The following ZFHX3 variants were observed in gnomAD, a reference collection of about 807,000 sequenced individuals.
ZFHX3 encodes zinc finger homeobox protein 3.
A neutral mutation model predicts 279.1 loss-of-function variants in ZFHX3; 42 were observed. The observed-to-expected ratio is 0.15, with a 90% CI of 0.12 to 0.19. The LOEUF (loss-of-function observed/expected upper bound fraction) is 0.19. Ranked by LOEUF, ZFHX3 falls within the 10% of genes least tolerant of loss-of-function variation. ZFHX3 has a pLI of 1.00. For missense variants in ZFHX3, 4,981 were observed against 4,754.0 expected, an observed-to-expected ratio of 1.05 and a Z score of -1.40; for synonymous variants, 2,293 against 1,957.8, an observed-to-expected ratio of 1.17 and a Z score of -4.52.
intron 1 of ZFHX3, among the ~76,000 whole-genome samples, chr16:73,731,275 T>C (rs911734156): frequency 6.6e-6 from 1 of 152,176 alleles, no homozygotes. Context: ...AATATTGTCC[T>C]GTCACATTTC....
At chr16:72,960,773 A>C (rs1034033587) in intron 1 of ZFHX3, among the ~76,000 whole-genome samples, 3 of 152,146 alleles carry the variant, frequency 2.0e-5, no homozygotes, top group Non-Finnish European at 4.4e-5. Context: ...TTCTAGTTTG[A>C]GAAGTTCAAA....
At chr16:73,346,899 T>TGTAATTA (rs1302070451) in intron 3 of ZFHX3, among the ~76,000 whole-genome samples, 3 of 152,214 alleles carry the variant, frequency 2.0e-5, no homozygotes, top group Non-Finnish European at 2.9e-5. Flanking sequence ...TTACCACTGT[T>TGTAATTA]GTAATTATCC....
chr16:73,510,325 T>G (rs2019407276), intron 2 of ZFHX3, among the ~76,000 whole-genome samples: 1 of 152,156 alleles, frequency 6.6e-6, no homozygotes, highest in Non-Finnish European at 1.5e-5. Flanking sequence ...GTCTACAGTG[T>G]TTGCCACTGT....
chr16:73,847,916 T>C (rs903205886), intron 1 of ZFHX3, among the ~76,000 whole-genome samples: 3 of 145,188 alleles, frequency 2.1e-5, no homozygotes, highest in Non-Finnish European at 4.5e-5. Flanking sequence ...TTTTTTTTTT[T>C]TTTTTTTTTT....
chr16:73,489,513 A>G (rs1316225095), intron 2 of ZFHX3, among the ~76,000 whole-genome samples: 1 of 152,210 alleles, frequency 6.6e-6, no homozygotes, highest in Admixed American at 6.5e-5. Flanking sequence ...TCAGCAATTA[A>G]CATCATACAC....
At chr16:72,997,530 C>T (rs1188187425) in intron 1 of ZFHX3, among the ~76,000 whole-genome samples, 3 of 152,188 alleles carry the variant, frequency 2.0e-5, no homozygotes, top group East Asian at 3.9e-4. Flanking sequence ...AGTCAGATCA[C>T]AGCCAGTGGG....
chr16:73,860,680 C>T (rs187620758), intron 1 of ZFHX3, among the ~76,000 whole-genome samples: 1 of 152,208 alleles, frequency 6.6e-6, no homozygotes, highest in African/African-American at 2.4e-5. Flanking sequence ...CTTCCTTCGG[C>T]CTGTTTTATA....
chr16:73,776,444 C>G (rs918567586), intron 1 of ZFHX3, among the ~76,000 whole-genome samples: 7 of 152,078 alleles, frequency 4.6e-5, no homozygotes, highest in Non-Finnish European at 5.9e-5. Flanking sequence ...TTTCAGAAAT[C>G]AAATAATTTA....
chr16:72,882,526 G>A (rs777723016), intron 4 of ZFHX3, among the ~76,000 whole-genome samples: 3 of 152,156 alleles, frequency 2.0e-5, no homozygotes, highest in Non-Finnish European at 4.4e-5. Flanking sequence ...TGCTGAAAAG[G>A]TGCAAGTCCT....
At chr16:72,966,548 C>T (rs916765768) in intron 1 of ZFHX3, among the ~76,000 whole-genome samples, 1 of 152,214 alleles carries the variant, frequency 6.6e-6, no homozygotes, top group African/African-American at 2.4e-5. Context: ...AGCAGGTCCA[C>T]AGCCCATCAC....
chr16:73,062,176 T>C (rs910222803), upstream of ZFHX3: 1 of 152,154 alleles, frequency 6.6e-6, no homozygotes, highest in Non-Finnish European at 1.5e-5. Context: ...TTTTAAGACA[T>C]TTACATTAGG....
intron 3 of ZFHX3, among the ~76,000 whole-genome samples, chr16:73,334,868 G>C (rs4011589): frequency 3.1e-5 from 4 of 128,614 alleles, no homozygotes; most frequent in Non-Finnish European, 6.3e-5. Context: ...TCTGCTTGAC[G>C]TAAGAACTTT....
intron 3 of ZFHX3, among the ~76,000 whole-genome samples, chr16:73,453,667 C>T (rs1484708332): frequency 6.6e-6 from 1 of 152,184 alleles, no homozygotes; most frequent in Non-Finnish European, 1.5e-5. Context: ...TGTTTTCATG[C>T]TGCTGATAAA....
intron 2 of ZFHX3, among the ~76,000 whole-genome samples, chr16:73,465,497 A>G (rs1051016025): frequency 2.6e-5 from 4 of 151,878 alleles, no homozygotes; most frequent in African/African-American, 7.3e-5. Flanking sequence ...TGGAGACTGG[A>G]ACGTCCTCCT....
At chr16:72,923,588 G>A (rs1959262696) in intron 3 of ZFHX3, among the ~76,000 whole-genome samples, 1 of 151,772 alleles carries the variant, frequency 6.6e-6, no homozygotes, top group Admixed American at 6.6e-5. Context: ...CACTGATATA[G>A]TTGATGCGTC....
At chr16:73,323,534 G>A (rs1223870212) in intron 3 of ZFHX3, among the ~76,000 whole-genome samples, 1 of 152,200 alleles carries the variant, frequency 6.6e-6, no homozygotes. Flanking sequence ...GAAGTAATAA[G>A]TATGGACCAC....
chr16:73,285,502 C>A (rs1041751140), intron 4 of ZFHX3, among the ~76,000 whole-genome samples: 17 of 152,246 alleles, frequency 1.1e-4, no homozygotes, highest in African/African-American at 2.9e-4. Context: ...CAGCATGAGG[C>A]TCTGTGGGGT....
chr16:73,777,681 T>C (rs1959304397), intron 1 of ZFHX3, among the ~76,000 whole-genome samples: 1 of 152,108 alleles, frequency 6.6e-6, no homozygotes, highest in African/African-American at 2.4e-5. Flanking sequence ...AATGAGTACT[T>C]ACTCTGTGCC....
intron 5 of ZFHX3, among the ~76,000 whole-genome samples, chr16:73,207,405 G>A (rs1597220180): frequency 1.3e-5 from 2 of 152,168 alleles, no homozygotes; most frequent in Non-Finnish European, 2.9e-5. Context: ...ATAATGAGAA[G>A]GCTACCTGTG....
Sources: allele counts gnomAD v4.1 joint callset (sites outside exome capture counted in the v4.1 genomes callset), GRCh38; gene constraint gnomAD v4.1.1; transcripts MANE v1.5; gene names NCBI Gene and HGNC (gene_info 2026-07-23, HGNC 2026-07-21).